WNT7A: variants seen among roughly 807,000 people sequenced by gnomAD.
WNT7A encodes protein Wnt-7a.
WNT7A carries 16 observed loss-of-function variants against 28.2 expected under a neutral mutation model. That is an observed-to-expected ratio of 0.57 (90% confidence interval 0.38 to 0.86). The LOEUF is 0.86. Ranked by LOEUF, WNT7A falls within the 40% of genes least tolerant of loss-of-function variation. The probability of loss-of-function intolerance (pLI) is 0.00; values close to 1 mark genes in which losing one functional copy is unlikely to be tolerated. For synonymous variants in WNT7A, 190 were observed against 195.9 expected, an observed-to-expected ratio of 0.97 and a Z score of 0.25; for missense variants, 411 against 489.7, an observed-to-expected ratio of 0.84 and a Z score of 1.52.
chr3:13,841,442 C>A (rs537582837), intron 3 of WNT7A, among the ~76,000 whole-genome samples: 1 of 152,340 alleles, frequency 6.6e-6, no homozygotes, highest in Non-Finnish European at 1.5e-5. Flanking sequence ...CTTTGCTTAT[C>A]AACTGTATGA....
At chr3:13,871,088 C>T (rs1019413775) in intron 2 of WNT7A, among the ~76,000 whole-genome samples, 3 of 152,212 alleles carry the variant, frequency 2.0e-5, no homozygotes, top group African/African-American at 4.8e-5. Flanking sequence ...GATTACGCTT[C>T]CCAGCTTCCC....
rs1179742724 is a variant in WNT7A at position 13,819,009 on chromosome 3, G to A, written c.985C>T (p.His329Tyr). The change falls in exon 4 of 4, where the codon CAC (histidine) becomes TAC (tyrosine). Residue 329 changes from histidine to tyrosine, a missense_variant. Physicochemically the swap from His to Tyr is moderately conservative, Grantham distance 83. Transcript: ENST00000285018. ...TTGCACTTGACATAGCAGCACCAGTGGAACTTACAGTTGCACTGCCACACG... is the reference window on the plus strand; with the variant it reads ...TTGCACTTGACATAGCAGCACCAGTAGAACTTACAGTTGCACTGCCACACG... Reference protein sequence around the residue: ...ARVWQCNCKFHWCCYVKCNTC... With the variant: ...ARVWQCNCKFYWCCYVKCNTC... 6.2e-7 allele frequency: 1 copy of A among 1,610,908 alleles called. No individual in the cohort carries two copies. The highest frequency in any genetic ancestry group is 1.3e-5 in the African/African-American group (1 of 74,886).
chr3:13,818,862 T>C lies in WNT7A; in HGVS notation c.*82A>G. ...AGCAGAAAAGACAAGCTCAGCATCC[T>C]GCCAGGGAGCCCGCAGCTTGGAAAC... On this transcript the variant is annotated 3_prime_UTR_variant, in exon 4 of 4. Coordinates refer to ENST00000285018, the MANE Select transcript of WNT7A (RefSeq NM_004625.4). The C allele has an allele frequency of 1.3e-6, 2 of 1,495,192 alleles. No individual in the cohort carries two copies. The highest frequency in any genetic ancestry group is 1.8e-6 in the Non-Finnish European group (2 of 1,121,910). 92.6% of individuals were successfully genotyped at this position (1,495,192 alleles called of 1,614,324 possible). A position where few individuals can be genotyped will look rare whatever the true frequency, so the allele number is the denominator to read the frequency against.
chr3:13,820,454 G>A (rs1263249347), intron 3 of WNT7A, among the ~76,000 whole-genome samples: 1 of 151,308 alleles, frequency 6.6e-6, no homozygotes, highest in African/African-American at 2.4e-5. Context: ...GAGCTGGTCT[G>A]TGAGACATTC....
intron 3 of WNT7A, among the ~76,000 whole-genome samples, chr3:13,850,842 G>A (rs970975831): frequency 2.0e-5 from 3 of 151,976 alleles, no homozygotes; most frequent in Non-Finnish European, 4.4e-5. Flanking sequence ...ACTCCTGCAG[G>A]GGGATGTCTA....
chr3:13,834,514 G>A (rs1259619714), intron 3 of WNT7A, among the ~76,000 whole-genome samples: 1 of 152,022 alleles, frequency 6.6e-6, no homozygotes, highest in Non-Finnish European at 1.5e-5. Context: ...ATCCCCTGCT[G>A]CCTCTTTGAC....
chr3:13,848,942 C>T (rs1028327446), intron 3 of WNT7A, among the ~76,000 whole-genome samples: 1 of 152,204 alleles, frequency 6.6e-6, no homozygotes, highest in Non-Finnish European at 1.5e-5. Flanking sequence ...TGATACACAA[C>T]ACTTGAAGGA....
rs530502889 is a variant in WNT7A, at chr3:13,836,856, G to C, written c.571-17433C>G. Among the ~76,000 whole-genome samples the C allele has an allele frequency of 3.3e-5, 5 of 152,356 alleles. No individual in the cohort carries two copies. The East Asian group carries it at 9.6e-4, about 29-fold the overall frequency. ...CTGAGCAGGAGTGCAATGCCCTGGG[G>C]CTGGAAAAACCAAGGGAGCGGGTGT... On this transcript the variant is annotated intron_variant, in intron 3 of 3. Coordinates refer to ENST00000285018, the MANE Select transcript of WNT7A (RefSeq NM_004625.4).
At chr3:13,850,886 T>A (rs1694624223) in intron 3 of WNT7A, among the ~76,000 whole-genome samples, 1 of 151,918 alleles carries the variant, frequency 6.6e-6, no homozygotes. Context: ...AAGGCCCAGG[T>A]TCTTCTGGTT....
intron 2 of WNT7A, among the ~76,000 whole-genome samples, chr3:13,861,407 C>T (rs1575071373): frequency 6.6e-6 from 1 of 152,360 alleles, no homozygotes; most frequent in Admixed American, 6.5e-5. Flanking sequence ...CTACTATGTG[C>T]CAGGCACTGT....
intron 3 of WNT7A, among the ~76,000 whole-genome samples, chr3:13,825,478 G>T (rs574693943): frequency 6.6e-6 from 1 of 152,296 alleles, no homozygotes; most frequent in East Asian, 1.9e-4. Context: ...AAAACAAAAA[G>T]CCCTGTTACG....
At chr3:13,848,452 C>T (rs185760023) in intron 3 of WNT7A, among the ~76,000 whole-genome samples, 2 of 152,262 alleles carry the variant, frequency 1.3e-5, no homozygotes, top group Admixed American at 1.3e-4. Flanking sequence ...AAAGGCTATC[C>T]AGATGGCAAA....
chr3:13,850,595 C>A (rs970860867), intron 3 of WNT7A, among the ~76,000 whole-genome samples: 97 of 152,244 alleles, frequency 6.4e-4, no homozygotes, highest in African/African-American at 2.1e-3. Context: ...AGGGGCCAGC[C>A]CCGTCCCAGC....
At chr3:13,868,056 A>G (rs1479137748) in intron 2 of WNT7A, among the ~76,000 whole-genome samples, 1 of 152,196 alleles carries the variant, frequency 6.6e-6, no homozygotes, top group Non-Finnish European at 1.5e-5. Flanking sequence ...TTAAACATAA[A>G]TAAGCAAGGG....
chr3:13,837,916 G>T (rs145540244), intron 3 of WNT7A, among the ~76,000 whole-genome samples: 2 of 152,168 alleles, frequency 1.3e-5, no homozygotes, highest in East Asian at 1.9e-4. Flanking sequence ...CTGTGTTGGC[G>T]TCCAGCGTGC....
intron 3 of WNT7A, among the ~76,000 whole-genome samples, chr3:13,831,233 C>T (rs1011117631): frequency 1.2e-4 from 19 of 152,148 alleles, no homozygotes; most frequent in African/African-American, 4.6e-4. Flanking sequence ...AGGATCCATG[C>T]CCACCTCTAA....
In WNT7A at chr3:13,854,589, C is replaced by T; in HGVS notation, c.513G>A (p.Glu171=). The part of the protein sequence containing the change: ...GFAKVFVDAR[E]IKQNARTLMN... ...TGAGAGTCCGGGCATTCTGCTTGAT[C>T]TCCCGGGCATCCACAAAGACCTTGG... is the stretch of plus-strand genomic sequence containing the variant. Residue 171 remains glutamate (E), a synonymous_variant, in exon 3 of 4, where the codon GAG becomes GAA. Coordinates refer to ENST00000285018, the MANE Select transcript of WNT7A (RefSeq NM_004625.4). 6.2e-7 allele frequency: 1 copy of T among 1,614,178 alleles called. No homozygotes were observed. The highest frequency in any genetic ancestry group is 2.2e-5 in the East Asian group (1 of 44,864).
At chr3:13,859,158 G>A (rs1455052440) in intron 2 of WNT7A, among the ~76,000 whole-genome samples, 1 of 152,190 alleles carries the variant, frequency 6.6e-6, no homozygotes. Flanking sequence ...ATGTCCTGAA[G>A]GTCACAGCAG....
chr3:13,858,047 A>G (rs1268987390), intron 2 of WNT7A, among the ~76,000 whole-genome samples: 2 of 152,180 alleles, frequency 1.3e-5, no homozygotes, highest in Non-Finnish European at 2.9e-5. Flanking sequence ...CTTTTCTTTT[A>G]CAATCGAAGA....
Sources: gnomAD v4.1 joint callset for allele counts (sites outside exome capture counted in the v4.1 genomes callset) on GRCh38, gnomAD v4.1.1 for gene constraint, MANE v1.5 for transcripts, NCBI Gene and HGNC (gene_info 2026-07-23, HGNC 2026-07-21) for gene names.